CUX1: variants seen among roughly 807,000 people sequenced by gnomAD.
The protein encoded by CUX1 is cut like homeobox 1.
CUX1 carries 31 observed loss-of-function variants against 158.8 expected under a neutral mutation model. The observed-to-expected ratio is 0.20, with a 90% confidence interval of 0.15 to 0.26. CUX1 has a LOEUF of 0.26. Among genes scored for constraint, CUX1 ranks in the 10% least tolerant of loss-of-function variants. The pLI is 1.00. For missense variants in CUX1, 1,589 were observed against 2,014.6 expected, an observed-to-expected ratio of 0.79 and a Z score of 4.04; for synonymous variants, 879 against 862.1, an observed-to-expected ratio of 1.02 and a Z score of -0.34.
At chr7:102,080,553 G>A (rs1827266440) in intron 4 of CUX1, among the ~76,000 whole-genome samples, 5 of 152,166 alleles carry the variant, frequency 3.3e-5, no homozygotes, top group African/African-American at 7.2e-5. Context: ...AGCCCCCATC[G>A]CCCGCAGAGC....
intron 23 of CUX1, among the ~76,000 whole-genome samples, chr7:102,240,096 G>A (rs1800028082): frequency 2.0e-5 from 3 of 151,966 alleles, no homozygotes; most frequent in South Asian, 4.2e-4. Flanking sequence ...GTAAGGCCAC[G>A]TCCCTTCCCG....
At chr7:102,278,662 T>A (rs992489545) in intron 18 of CUX1, among the ~76,000 whole-genome samples, 9 of 93,710 alleles carry the variant, frequency 9.6e-5, no homozygotes, top group South Asian at 7.2e-4. Flanking sequence ...AATAAAAAAA[T>A]AAAATAAAAT....
At chr7:102,129,441 T>C (rs1487999683) in intron 8 of CUX1, among the ~76,000 whole-genome samples, 4 of 152,130 alleles carry the variant, frequency 2.6e-5, no homozygotes, top group African/African-American at 9.7e-5. Flanking sequence ...CCCAGCACTT[T>C]GGGAGGCCAA....
At chr7:102,146,458 G>A (rs1554502064) in intron 8 of CUX1, among the ~76,000 whole-genome samples, 2 of 152,194 alleles carry the variant, frequency 1.3e-5, no homozygotes, top group Non-Finnish European at 2.9e-5. Flanking sequence ...ACTCGGACTG[G>A]CTAAAGGAAG....
chr7:102,123,755 C>T (rs1353371799), intron 8 of CUX1, among the ~76,000 whole-genome samples: 5 of 151,964 alleles, frequency 3.3e-5, no homozygotes, highest in Non-Finnish European at 5.9e-5. Flanking sequence ...TTCTACCTCC[C>T]GGTTTCAAAC....
At chr7:102,128,981 AAAGAG>A (rs1832940251) in intron 8 of CUX1, among the ~76,000 whole-genome samples, 1 of 151,776 alleles carries the variant, frequency 6.6e-6, no homozygotes, top group East Asian at 1.9e-4. Context: ...TTCAAAAAAA[AAAGAG>A]AAAAGAATGC....
chr7:102,176,558 CTTTTTTTTTTTTTT>C lies in CUX1; in HGVS notation c.829-1897_829-1884del, dbSNP rs60973137. Among the ~76,000 whole-genome samples, 9 of 86,732 alleles carry C rather than the reference CTTTTTTTTTTTTTT, an allele frequency of 1.0e-4. 1 individual carries two copies. Among genetic ancestry groups the C allele is most frequent in the Non-Finnish European group, 1.9e-4 (9 of 47,386 alleles). The allele number at this position is 86,732 out of a possible 152,430, so 56.9% of individuals were successfully genotyped here. A position where few individuals can be genotyped will look rare whatever the true frequency, so the allele number is the denominator to read the frequency against. ...CAGAATCTTTCAGGAGCCAGGATTC[CTTTTTTTTTTTTTT>C]TTTTTTTTTTTTTGCTTTGACACAG... On this transcript the variant is annotated intron_variant, in intron 10 of 23. Coordinates refer to ENST00000292535, the MANE Select transcript of CUX1 (RefSeq NM_181552.4).
chr7:102,147,629 C>T (rs1165023616), intron 8 of CUX1, among the ~76,000 whole-genome samples: 7 of 152,162 alleles, frequency 4.6e-5, no homozygotes, highest in Non-Finnish European at 4.4e-5. Context: ...ACCCTTTCTG[C>T]CCTTTAGAAT....
intron 2 of CUX1, among the ~76,000 whole-genome samples, chr7:101,998,714 G>A (rs1816291159): frequency 6.6e-6 from 1 of 152,140 alleles, no homozygotes; most frequent in African/African-American, 2.4e-5. Flanking sequence ...AAGCAGCCTC[G>A]GCCTCCAGTG....
intron 1 of CUX1, among the ~76,000 whole-genome samples, chr7:101,829,702 A>C (rs1236913505): frequency 6.6e-6 from 1 of 151,556 alleles, no homozygotes; most frequent in African/African-American, 2.4e-5. Context: ...GGTGGGCTTG[A>C]GGGGAGCACT....
intron 20 of CUX1, among the ~76,000 whole-genome samples, chr7:102,227,150 T>G (rs1237411290): frequency 6.6e-6 from 1 of 152,116 alleles, no homozygotes; most frequent in African/African-American, 2.4e-5. Context: ...ACCCCTAGTT[T>G]TTCTCGCAAT....
rs533157065 is a variant in CUX1 at position 102,033,186 on chromosome 7, C to T, written c.189+5041C>T. Among the ~76,000 whole-genome samples the T allele has an allele frequency of 3.9e-5, 6 of 152,202 alleles. No individual in the cohort carries two copies. In the South Asian group the frequency reaches 1.0e-3, roughly 26 times the overall value. ...TACAGTAGGCTGGTATGATGGCTCA[C>T]GCCTGTAGTCCCAGCACTTTGGGAG... On this transcript the variant is annotated intron_variant, in intron 3 of 23. Transcript: ENST00000292535.
At chr7:102,275,201 G>A (rs781806040) in intron 16 of CUX1, 1 of 1,468,558 alleles carries the variant, frequency 6.8e-7, no homozygotes, top group Non-Finnish European at 9.3e-7. Flanking sequence ...CGCCTGCTGG[G>A]TTCCACCTCC....
Position 102,196,947 on chromosome 7 carries a change from C to T in CUX1, c.1536C>T (p.Tyr512=). 2 of 1,614,200 alleles carry T rather than the reference C, an allele frequency of 1.2e-6. No individual in the cohort carries two copies. Among genetic ancestry groups the T allele is most frequent in the Non-Finnish European group, 1.7e-6 (2 of 1,180,042 alleles). Residue 512 remains tyrosine, a synonymous_variant, in exon 15 of 24, where the codon TAC becomes TAT. Coordinates refer to ENST00000292535, the MANE Select transcript of CUX1 (RefSeq NM_181552.4). Reference sequence around the variant, plus strand: ...GCATGATTTTTTCAACAGGTCCATACAGCACAAACTCCATATCTTCCCAAA... The same window carrying T: ...GCATGATTTTTTCAACAGGTCCATATAGCACAAACTCCATATCTTCCCAAA... ...STSMIFSTGP[Y]STNSISSQSP...
In CUX1 at chr7:102,255,243, C is replaced by G; in HGVS notation, c.*6201C>G. 1.0e-6 allele frequency: 1 copy of G among 985,466 alleles called. No individual in the cohort carries two copies. Among genetic ancestry groups the G allele is most frequent in the Non-Finnish European group, 1.2e-6 (1 of 829,948 alleles). The allele number at this position is 985,466 out of a possible 1,614,324, so 61.0% of individuals were successfully genotyped here. A position where few individuals can be genotyped will look rare whatever the true frequency, so the allele number is the denominator to read the frequency against. On this transcript the variant is annotated 3_prime_UTR_variant, in exon 24 of 24. Transcript: ENST00000292535. The stretch of plus-strand genomic sequence containing the variant: ...ACCACCACCTTCCCTCCAAAGATAA[C>G]CGTGTCCATGCCATCCGTGGCATCA...
intron 1 of CUX1, among the ~76,000 whole-genome samples, chr7:101,840,008 T>G (rs1474769307): frequency 1.3e-5 from 2 of 152,224 alleles, no homozygotes; most frequent in African/African-American, 4.8e-5. Flanking sequence ...GTGATCCGTC[T>G]GCCTCGGCCT....
intron 1 of CUX1, among the ~76,000 whole-genome samples, chr7:101,863,698 A>G (rs936682860): frequency 6.6e-6 from 1 of 152,160 alleles, no homozygotes; most frequent in Admixed American, 6.5e-5. Context: ...CCATTAAACA[A>G]TAACACTCCA....
chr7:101,894,962 T>C (rs1444862016), intron 1 of CUX1, among the ~76,000 whole-genome samples: 1 of 152,104 alleles, frequency 6.6e-6, no homozygotes, highest in Non-Finnish European at 1.5e-5. Context: ...CCAGCCTGTC[T>C]CCAAGTCTGA....
chr7:101,851,082 C>G (rs1796220424), intron 1 of CUX1, among the ~76,000 whole-genome samples: 1 of 152,126 alleles, frequency 6.6e-6, no homozygotes, highest in African/African-American at 2.4e-5. Flanking sequence ...GTACTCCAGC[C>G]TGGGTGACAG....
Sources: allele counts gnomAD v4.1 joint callset (sites outside exome capture counted in the v4.1 genomes callset), GRCh38; gene constraint gnomAD v4.1.1; transcripts MANE v1.5; gene names NCBI Gene and HGNC (gene_info 2026-07-23, HGNC 2026-07-21).